The following TENM2 variants were observed in gnomAD, a reference collection of about 807,000 sequenced individuals.
The protein encoded by TENM2 is teneurin transmembrane protein 2, also known as teneurin-2.
In TENM2, 52 loss-of-function variants were observed where a neutral mutation model predicts 245.2. The observed-to-expected ratio is 0.21, with a 90% CI of 0.17 to 0.27. The LOEUF (loss-of-function observed/expected upper bound fraction) is 0.27, where lower values mean the gene tolerates loss of function less well. Among genes scored for constraint, TENM2 ranks in the 10% least tolerant of loss-of-function variants. The pLI is 1.00. For missense variants in TENM2, 3,046 were observed against 3,666.8 expected (o/e 0.83, Z 4.37); for synonymous variants, 1,363 against 1,438.9 (o/e 0.95, Z 1.19).
At chr5:167,826,784 A>G (rs1306508689) in intron 2 of TENM2, among the ~76,000 whole-genome samples, 1 of 152,210 alleles carries the variant, frequency 6.6e-6, no homozygotes, top group East Asian at 1.9e-4. Context: ...CGGATAGTCA[A>G]GGTACCTCCC....
At chr5:167,882,371 T>C (rs1357274663) in intron 3 of TENM2, among the ~76,000 whole-genome samples, 1 of 152,168 alleles carries the variant, frequency 6.6e-6, no homozygotes, top group Admixed American at 6.6e-5. Context: ...TTGGAACCAT[T>C]AATGTAGTGG....
At chr5:168,046,079 C>T (rs1309631583) in intron 5 of TENM2, among the ~76,000 whole-genome samples, 1 of 152,182 alleles carries the variant, frequency 6.6e-6, no homozygotes, top group South Asian at 2.1e-4. Flanking sequence ...AGCAGACACA[C>T]CCACACACAC....
chr5:167,753,709 A>G (rs6865223), intron 2 of TENM2, among the ~76,000 whole-genome samples: 2,356 of 152,254 alleles, frequency 0.015, 61 homozygotes, highest in African/African-American at 0.054. Flanking sequence ...CCTATCGTCA[A>G]TTTGGGAGGC....
the TENM2 span, among the ~76,000 whole-genome samples, chr5:167,126,229 C>T: frequency 5.3e-5 from 8 of 152,012 alleles, no homozygotes; most frequent in East Asian, 7.7e-4. Context: ...GAGGATAGAG[C>T]GTGGGCTTAG....
chr5:167,919,578 G>C (rs1050459838), intron 3 of TENM2, among the ~76,000 whole-genome samples: 4 of 152,172 alleles, frequency 2.6e-5, no homozygotes, highest in Non-Finnish European at 2.9e-5. Flanking sequence ...TGGGTTCCCA[G>C]AACGGGAGGC....
At chr5:167,100,169 G>A in the TENM2 span, among the ~76,000 whole-genome samples, 6 of 152,268 alleles carry the variant, frequency 3.9e-5, no homozygotes, top group Admixed American at 6.5e-5. Flanking sequence ...CTCACACTGC[G>A]TTTTTGGCAA....
chr5:167,794,700 T>C (rs560235525), intron 2 of TENM2, among the ~76,000 whole-genome samples: 37 of 152,260 alleles, frequency 2.4e-4, no homozygotes. Context: ...AGAAACACTG[T>C]GGAAAAGAAA....
chr5:167,022,090 A>T, the TENM2 span, among the ~76,000 whole-genome samples: 3 of 152,204 alleles, frequency 2.0e-5, no homozygotes, highest in Non-Finnish European at 4.4e-5. Context: ...AAGGGTCTTC[A>T]TATAACATTT....
intron 1 of TENM2, among the ~76,000 whole-genome samples, chr5:167,371,471 C>T (rs1228017659): frequency 3.3e-5 from 5 of 151,464 alleles, no homozygotes; most frequent in African/African-American, 1.2e-4. Flanking sequence ...AAGCGACTCT[C>T]CTGCCTTGGC....
chr5:167,564,163 A>G (rs564067732), intron 2 of TENM2, among the ~76,000 whole-genome samples: 4 of 152,352 alleles, frequency 2.6e-5, no homozygotes, highest in Admixed American at 2.0e-4. Flanking sequence ...TGCAATGGAA[A>G]GGAACAGAAA....
At chr5:168,240,933 C>T (rs906406618) in intron 25 of TENM2, 16 of 152,266 alleles carry the variant, frequency 1.1e-4, no homozygotes, top group Non-Finnish European at 2.1e-4. Flanking sequence ...GGTGGCCTTC[C>T]GCAGTTGTCC....
chr5:167,961,827 A>T (rs1050542579), intron 4 of TENM2, among the ~76,000 whole-genome samples: 7 of 152,186 alleles, frequency 4.6e-5, no homozygotes, highest in African/African-American at 1.7e-4. Flanking sequence ...CCTACACCCA[A>T]AATAAGGTGG....
At chr5:167,277,081 C>T in the TENM2 span, among the ~76,000 whole-genome samples, 1 of 151,936 alleles carries the variant, frequency 6.6e-6, no homozygotes, top group South Asian at 2.1e-4. Context: ...TTGTTTTTCT[C>T]TGTTGTTTTT....
intron 1 of TENM2, among the ~76,000 whole-genome samples, chr5:167,302,529 T>C (rs972453573): frequency 6.8e-6 from 1 of 147,730 alleles, no homozygotes; most frequent in African/African-American, 2.6e-5. Context: ...GGCATGGAAA[T>C]AAGGGATCAG....
chr5:167,030,597 T>G, the TENM2 span, among the ~76,000 whole-genome samples: 67 of 152,326 alleles, frequency 4.4e-4, no homozygotes, highest in African/African-American at 1.5e-3. Flanking sequence ...TTGCTTGCTT[T>G]CTTCTGACAT....
chr5:167,062,382 C>T, the TENM2 span, among the ~76,000 whole-genome samples: 1 of 151,556 alleles, frequency 6.6e-6, no homozygotes, highest in African/African-American at 2.4e-5. Context: ...TGAGTTCAAG[C>T]ATAAAAATCC....
At chr5:168,139,063 T>G (rs753182292) in intron 12 of TENM2, among the ~76,000 whole-genome samples, 4 of 152,228 alleles carry the variant, frequency 2.6e-5, no homozygotes, top group Non-Finnish European at 2.9e-5. Flanking sequence ...TTGTCCTTGC[T>G]CAAGCTTCCC....
chr5:167,078,566 A>G, the TENM2 span, among the ~76,000 whole-genome samples: 1 of 152,220 alleles, frequency 6.6e-6, no homozygotes, highest in African/African-American at 2.4e-5. Context: ...TTACAATCAT[A>G]TAGAGAAAGT....
At chr5:167,217,691 T>G in the TENM2 span, among the ~76,000 whole-genome samples, 2 of 146,288 alleles carry the variant, frequency 1.4e-5, no homozygotes, top group Non-Finnish European at 3.0e-5. Context: ...ATATATAAAA[T>G]GATAATATAT....
Sources: allele counts gnomAD v4.1 joint callset (sites outside exome capture counted in the v4.1 genomes callset), GRCh38; gene constraint gnomAD v4.1.1; transcripts MANE v1.5; gene names NCBI Gene and HGNC (gene_info 2026-07-23, HGNC 2026-07-21).